The following MOV10L1 variants were observed in gnomAD, a reference collection of about 807,000 sequenced individuals.
MOV10L1 encodes the protein RNA helicase Mov10l1.
Under a neutral mutation model 143.8 loss-of-function variants are expected in MOV10L1, and 110 were observed. That is an observed-to-expected ratio of 0.76 (90% CI 0.66 to 0.90). MOV10L1 has a LOEUF of 0.90. MOV10L1 is among the 40% of genes least tolerant of loss of function. The pLI, the probability that MOV10L1 is intolerant of heterozygous loss-of-function variation, is 0.00. For missense variants in MOV10L1, 1,406 were observed against 1,526.8 expected (o/e 0.92, Z 1.32); for synonymous variants, 593 against 581.1 (o/e 1.02, Z -0.29).
At chr22:50,150,690 G>A (rs1417195194) in intron 20 of MOV10L1, 45 bp from the exon 21 acceptor site, 1 of 1,598,884 alleles carries the variant, frequency 6.3e-7, no homozygotes, top group Non-Finnish European at 8.5e-7. Context: ...AGGAGTGGCA[G>A]CGGCACCCTC....
At chr22:50,116,584 T>A (rs1424896629) in intron 8 of MOV10L1, among the ~76,000 whole-genome samples, 1 of 151,846 alleles carries the variant, frequency 6.6e-6, no homozygotes, top group East Asian at 1.9e-4. Flanking sequence ...AATTCTGACT[T>A]AAAATTGGGA....
At chr22:50,106,166 T>G (rs1009373720) in intron 3 of MOV10L1, among the ~76,000 whole-genome samples, 2 of 152,160 alleles carry the variant, frequency 1.3e-5, no homozygotes, top group African/African-American at 4.8e-5. Context: ...TTGCTTGTTT[T>G]TGTTTTTTAG....
At chr22:50,141,189 C>T (rs2062974631) in intron 15 of MOV10L1, among the ~76,000 whole-genome samples, 1 of 152,100 alleles carries the variant, frequency 6.6e-6, no homozygotes. Flanking sequence ...TAGCTGGTGG[C>T]ACCACGGCCA....
Position 50,158,225 on chromosome 22 carries a change from C to T in MOV10L1, c.3216+19C>T, listed in dbSNP as rs564081052. On this transcript the variant is annotated intron_variant, in intron 23 of 26. Transcript: ENST00000262794. This position sits in a 1 kb window ranked among gnomAD's most constrained non-coding sequence, Gnocchi z 5.0. ...GAAGCAGGTACGCCCTGCCCAGGCA[C>T]GCCTGGTTCTGTGAGGTCCCTGCAG... The T allele has an allele frequency of 4.1e-5, 66 of 1,613,812 alleles. No individual in the cohort carries two copies. The South Asian group carries it at 4.9e-4, about 12-fold the overall frequency.
At chr22:50,113,541 G>A (rs1299119619) in intron 5 of MOV10L1, 107 bp from the exon 6 acceptor site, 1 of 1,449,464 alleles carries the variant, frequency 6.9e-7, no homozygotes, top group Admixed American at 2.3e-5. Context: ...CTGTGGTGAG[G>A]TGGTCCTCTG....
At position 50,143,035 on chromosome 22, in the gene MOV10L1, G is replaced by T; in HGVS notation, c.2180-8G>T. ...ATCTAACTGAAACTTTCTTCACTTTGAATACAGTAGATGAAATTCAGACCC... is the reference window on the plus strand; with the variant it reads ...ATCTAACTGAAACTTTCTTCACTTTTAATACAGTAGATGAAATTCAGACCC... On this transcript the variant is annotated splice_polypyrimidine_tract_variant and splice_region_variant and intron_variant, in intron 16 of 26. Coordinates refer to ENST00000262794, the MANE Select transcript of MOV10L1 (RefSeq NM_018995.3). The T allele has an allele frequency of 6.2e-7, 1 of 1,613,254 alleles. No homozygotes were observed. The highest frequency in any genetic ancestry group is 2.2e-5 in the East Asian group (1 of 44,864).
intron 9 of MOV10L1, among the ~76,000 whole-genome samples, chr22:50,117,987 C>T (rs558575839): frequency 5.8e-4 from 88 of 152,126 alleles, no homozygotes; most frequent in Non-Finnish European, 8.5e-4. Flanking sequence ...TGTGATGTGA[C>T]TTTTCCTCCA....
Position 50,154,333 on chromosome 22 carries a change from G to A in MOV10L1, c.3066+1115G>A, listed in dbSNP as rs2063370822. Among the ~76,000 whole-genome samples the A allele has an allele frequency of 2.0e-5, 3 of 152,258 alleles. No homozygotes were observed. In the South Asian group the frequency reaches 6.2e-4, roughly 32 times the overall value. ...GCACTTTGGGAGGCTGAGGCAGGAG[G>A]ATTGCTTGAGCCTAGGAGTTCAAGA... is the stretch of plus-strand genomic sequence containing the variant. On this transcript the variant is annotated intron_variant, in intron 22 of 26. Coordinates refer to ENST00000262794, the MANE Select transcript of MOV10L1 (RefSeq NM_018995.3).
chr22:50,146,896 C>T, intron 19 of MOV10L1: 1 of 639,092 alleles, frequency 1.6e-6, no homozygotes. Flanking sequence ...TGGTTCAAGT[C>T]TTCAAAATCC....
intron 3 of MOV10L1, among the ~76,000 whole-genome samples, chr22:50,107,722 G>T (rs2061911376): frequency 1.3e-5 from 2 of 152,162 alleles, no homozygotes; most frequent in African/African-American, 4.8e-5. Flanking sequence ...TGAGGGGCTG[G>T]CTGGACCACT....
chr22:50,117,163 T>C lies in MOV10L1; in HGVS notation c.1266T>C (p.Pro422=), dbSNP rs1373967041. ...FIVVICDGKN[P]GRCKELLLLC... ...TCATTTTGTTTTTTTCAAGAAATCCTGGCCGCTGCAAGGAGCTCCTTTTGC... is the reference window on the plus strand; with the variant it reads ...TCATTTTGTTTTTTTCAAGAAATCCCGGCCGCTGCAAGGAGCTCCTTTTGC... Residue 422 remains proline (P), a synonymous_variant, in exon 9 of 27, where the codon CCT becomes CCC. Transcript: ENST00000262794. The C allele has an allele frequency of 1.3e-6, 2 of 1,593,332 alleles. No homozygotes were observed. The highest frequency in any genetic ancestry group is 3.6e-5 in the Admixed American group (2 of 55,494).
intron 15 of MOV10L1, among the ~76,000 whole-genome samples, chr22:50,138,708 T>TTTTG (rs1402594542): frequency 6.6e-6 from 1 of 152,138 alleles, no homozygotes; most frequent in East Asian, 1.9e-4. Flanking sequence ...TTTTTTGGTG[T>TTTTG]TTTGTTTGTT....
intron 3 of MOV10L1, among the ~76,000 whole-genome samples, chr22:50,106,695 TGGTC>T (rs2061875935): frequency 6.8e-6 from 1 of 146,290 alleles, no homozygotes; most frequent in African/African-American, 2.5e-5. Context: ...TTTTAGGACA[TGGTC>T]TTTTTTTTTT....
chr22:50,090,695 A>T (rs966808480), intron 1 of MOV10L1: 23 of 702,590 alleles, frequency 3.3e-5, no homozygotes, highest in Middle Eastern at 2.8e-4. Flanking sequence ...TGTGTGTGTG[A>T]GACGGAGTTT....
At chr22:50,153,329 C>A in intron 22 of MOV10L1, 111 bp downstream of exon 22, 1 of 1,291,332 alleles carries the variant, frequency 7.7e-7, no homozygotes, top group South Asian at 1.5e-5. Context: ...GGCAGATGTT[C>A]TGCTGGTCTC....
intron 5 of MOV10L1, among the ~76,000 whole-genome samples, chr22:50,110,047 G>A (rs913426212): frequency 1.8e-4 from 28 of 152,132 alleles, no homozygotes; most frequent in Admixed American, 5.9e-4. Context: ...TACTTGGGAG[G>A]CTGAGGCAAG....
At chr22:50,136,861 T>G (rs2062834765) in intron 15 of MOV10L1, among the ~76,000 whole-genome samples, 1 of 152,094 alleles carries the variant, frequency 6.6e-6, no homozygotes, top group Non-Finnish European at 1.5e-5. Flanking sequence ...CCTTAAAAGT[T>G]GACACAGTGC....
In MOV10L1 at chr22:50,112,330, G is replaced by A. The variant is rs1390187290; in HGVS notation, c.744-1318G>A. Among the ~76,000 whole-genome samples, 3 of 152,172 alleles carry A rather than the reference G, an allele frequency of 2.0e-5. No individual in the cohort carries two copies. In the East Asian group the frequency reaches 5.8e-4, roughly 29 times the overall value. Reference sequence around the variant, plus strand: ...TGAGCCTGGCGGTGCCAGGAAATAAGACCTGCACCTCCTCCCTATGTCTGA... The same window carrying A: ...TGAGCCTGGCGGTGCCAGGAAATAAAACCTGCACCTCCTCCCTATGTCTGA... On this transcript the variant is annotated intron_variant, in intron 5 of 26. Coordinates refer to ENST00000262794, the MANE Select transcript of MOV10L1 (RefSeq NM_018995.3).
chr22:50,154,618 C>A (rs190765754), intron 22 of MOV10L1, among the ~76,000 whole-genome samples: 72 of 152,236 alleles, frequency 4.7e-4, no homozygotes, highest in Non-Finnish European at 8.8e-4. Context: ...TGTCACTCAG[C>A]AGCTCTGTGT....
Sources: allele counts gnomAD v4.1 joint callset (sites outside exome capture counted in the v4.1 genomes callset), GRCh38; gene constraint gnomAD v4.1.1; non-coding constraint Gnocchi (gnomAD v3.1); transcripts MANE v1.5; gene names NCBI Gene and HGNC (gene_info 2026-07-23, HGNC 2026-07-21).